The following CFI variants were observed in gnomAD, a reference collection of about 807,000 sequenced individuals.
The protein encoded by CFI is complement factor I, also known as C3B/C4B inactivator.
CFI carries 66 observed loss-of-function variants against 78.8 expected under a neutral mutation model. The ratio of observed to expected loss-of-function variants is 0.84; its 90% CI spans 0.69 to 1.03. The LOEUF (loss-of-function observed/expected upper bound fraction) is 1.03, where lower values mean the gene tolerates loss of function less well. Among genes scored for constraint, CFI ranks in the 50% least tolerant of loss-of-function variants. The pLI is 0.00. For synonymous variants in CFI, 250 were observed against 232.6 expected (o/e 1.07, Z -0.68); for missense variants, 706 against 704.5 (o/e 1.00, Z -0.02).
the CFI span, among the ~76,000 whole-genome samples, chr4:109,733,184 G>C: frequency 6.6e-6 from 1 of 152,100 alleles, no homozygotes; most frequent in African/African-American, 2.4e-5. Flanking sequence ...AGTTGGCCAG[G>C]CTGGTCTCGA....
At chr4:109,740,371 A>G (rs1044050354), downstream of CFI, among the ~76,000 whole-genome samples, 9 of 152,064 alleles carry the variant, frequency 5.9e-5, no homozygotes, top group Admixed American at 1.3e-4. Context: ...AGAAGGAAAG[A>G]GAGAAAAGAT....
intron 1 of CFI, among the ~76,000 whole-genome samples, chr4:109,792,482 A>C (rs1040700596): frequency 6.6e-6 from 1 of 152,104 alleles, no homozygotes; most frequent in Non-Finnish European, 1.5e-5. Flanking sequence ...AGGCTGAGGC[A>C]TGAGAATCAC....
chr4:109,778,057 A>T (rs1378275238), intron 1 of CFI, among the ~76,000 whole-genome samples: 1 of 152,220 alleles, frequency 6.6e-6, no homozygotes, highest in Non-Finnish European at 1.5e-5. Context: ...ACACCCTAAA[A>T]TCACAATTAA....
chr4:109,768,387 C>A (rs1054961193), intron 1 of CFI, among the ~76,000 whole-genome samples: 3 of 147,532 alleles, frequency 2.0e-5, no homozygotes, highest in Admixed American at 6.8e-5. Context: ...GGCTTCTAGA[C>A]CCAGTTTTGG....
chr4:109,751,207 A>C lies in CFI; in HGVS notation c.940+1261T>G, dbSNP rs192056666. Among the ~76,000 whole-genome samples the C allele has an allele frequency of 2.2e-4, 33 of 152,258 alleles. 1 individual carries two copies. The highest frequency in any genetic ancestry group is 1.7e-3 in the East Asian group (9 of 5,176). On this transcript the variant is annotated intron_variant, in intron 8 of 12. Transcript: ENST00000394634. ...TGTGTGAACCTGCCCACTGTGAAAC[A>C]CATGGATAGAAGATGGTTTTTTTTG...
At chr4:109,770,612 T>C (rs1262089092) in intron 1 of CFI, among the ~76,000 whole-genome samples, 1 of 116,748 alleles carries the variant, frequency 8.6e-6, no homozygotes, top group Non-Finnish European at 1.8e-5. Flanking sequence ...CATTTAGACA[T>C]GAAAATATGA....
At position 109,766,112 on chromosome 4, in the gene CFI, C is replaced by T. The variant is rs556778722; in HGVS notation, c.328+442G>A. Among the ~76,000 whole-genome samples, 96 of 152,018 alleles carry T rather than the reference C, an allele frequency of 6.3e-4. 1 individual carries two copies. Among genetic ancestry groups the T allele is most frequent in the African/African-American group, 1.9e-3 (79 of 41,472 alleles). ...CAGCCTGGGCAACAGAGCCAGACTC[C>T]GTCTCAAAAAAACAAAACAAACAAA... On this transcript the variant is annotated intron_variant, in intron 2 of 12. Coordinates refer to ENST00000394634, the MANE Select transcript of CFI (RefSeq NM_000204.5).
chr4:109,766,119 A>G (rs1727718660), intron 2 of CFI, among the ~76,000 whole-genome samples: 2 of 152,102 alleles, frequency 1.3e-5, no homozygotes. Flanking sequence ...CTCCGTCTCA[A>G]AAAAACAAAA....
rs555501367 is a variant in CFI, at chr4:109,793,033, T to A, written c.57+8882A>T. Among the ~76,000 whole-genome samples, 11 of 152,310 alleles carry A rather than the reference T, an allele frequency of 7.2e-5. No individual in the cohort carries two copies. In the South Asian group the frequency reaches 1.0e-3, roughly 14 times the overall value. ...TATTGTATGTCTTATACCTTTTTTG[T>A]TTCTCATTTTCTCCATTACTGCCCT... On this transcript the variant is annotated intron_variant, in intron 1 of 12. Coordinates refer to ENST00000394634, the MANE Select transcript of CFI (RefSeq NM_000204.5).
At chr4:109,778,130 A>G (rs915427635) in intron 1 of CFI, among the ~76,000 whole-genome samples, 3 of 152,306 alleles carry the variant, frequency 2.0e-5, no homozygotes, top group Admixed American at 6.5e-5. Context: ...AATAACTAAG[A>G]TCAGAGCAGA....
Position 109,774,783 on chromosome 4 carries a change from A to C in CFI, c.58-7959T>G, listed in dbSNP as rs150112987. On this transcript the variant is annotated intron_variant, in intron 1 of 12. Transcript: ENST00000394634. Reference sequence around the variant, plus strand: ...ATGGCACAAAAGCAATAAAAAAGGAATGACAGTTTCATTTAGTTCTGCTCT... The same window carrying C: ...ATGGCACAAAAGCAATAAAAAAGGACTGACAGTTTCATTTAGTTCTGCTCT... Among the ~76,000 whole-genome samples the C allele has an allele frequency of 4.6e-5, 7 of 152,262 alleles. No individual in the cohort carries two copies. In the East Asian group the frequency reaches 1.4e-3, roughly 29 times the overall value.
At chr4:109,775,360 C>T (rs189875996) in intron 1 of CFI, among the ~76,000 whole-genome samples, 1 of 152,244 alleles carries the variant, frequency 6.6e-6, no homozygotes, top group East Asian at 1.9e-4. Flanking sequence ...TATCCCGTGC[C>T]TGGCTCGGAG....
At chr4:109,739,069 T>A (rs190566067), downstream of CFI, among the ~76,000 whole-genome samples, 64 of 152,298 alleles carry the variant, frequency 4.2e-4, no homozygotes, top group Middle Eastern at 0.01. Context: ...TTACAAATAG[T>A]TAAAATTGTT....
intron 1 of CFI, among the ~76,000 whole-genome samples, chr4:109,790,549 A>G (rs1475688130): frequency 1.3e-5 from 2 of 152,104 alleles, no homozygotes; most frequent in African/African-American, 4.8e-5. Context: ...TATTAAGCCT[A>G]GTAACCATTA....
chr4:109,792,198 T>G (rs545800691), intron 1 of CFI, among the ~76,000 whole-genome samples: 1 of 152,236 alleles, frequency 6.6e-6, no homozygotes, highest in African/African-American at 2.4e-5. Flanking sequence ...ACTGGGCTTA[T>G]AGTGTTGTTC....
downstream of CFI, among the ~76,000 whole-genome samples, chr4:109,739,974 C>T (rs1403210612): frequency 6.6e-6 from 1 of 152,074 alleles, no homozygotes. Flanking sequence ...GGAGCAAAGG[C>T]TAATTTTTCA....
intron 1 of CFI, among the ~76,000 whole-genome samples, chr4:109,801,389 C>A (rs1489535204): frequency 6.6e-6 from 1 of 152,218 alleles, no homozygotes; most frequent in Non-Finnish European, 1.5e-5. Context: ...CTCTTCATGA[C>A]CTCTCAGCAT....
the CFI span, among the ~76,000 whole-genome samples, chr4:109,733,836 A>G: frequency 1.3e-5 from 2 of 152,192 alleles, no homozygotes; most frequent in Admixed American, 6.5e-5. Flanking sequence ...AAAGGTTAGA[A>G]ACGCATTGGG....
chr4:109,799,343 G>A (rs746777322), intron 1 of CFI, among the ~76,000 whole-genome samples: 1 of 152,190 alleles, frequency 6.6e-6, no homozygotes, highest in African/African-American at 2.4e-5. Context: ...AGTGCCTGGG[G>A]TCTGTCCTAC....
Sources: allele counts gnomAD v4.1 joint callset (sites outside exome capture counted in the v4.1 genomes callset), GRCh38; gene constraint gnomAD v4.1.1; transcripts MANE v1.5; gene names NCBI Gene and HGNC (gene_info 2026-07-23, HGNC 2026-07-21).